RNF115: variants seen among roughly 807,000 people sequenced by gnomAD.
RNF115 encodes E3 ubiquitin-protein ligase RNF115.
Under a neutral mutation model 39.2 loss-of-function variants are expected in RNF115, and 31 were observed. That is an observed-to-expected ratio of 0.79 (90% CI 0.59 to 1.07). The LOEUF (loss-of-function observed/expected upper bound fraction) is 1.07, where lower values mean the gene tolerates loss of function less well. Ranked by LOEUF, RNF115 falls within the 50% of genes least tolerant of loss-of-function variation. RNF115 has a pLI of 0.00. For missense variants in RNF115, 384 were observed against 381.7 expected (o/e 1.01, Z -0.05); for synonymous variants, 124 against 131.0 (o/e 0.95, Z 0.37).
chr1:145,794,453 A>G (rs138392694), intron 1 of RNF115, among the ~76,000 whole-genome samples: 1 of 150,994 alleles, frequency 6.6e-6, no homozygotes, highest in African/African-American at 2.4e-5. Context: ...CTGTAACTAG[A>G]ACACTATTTC....
intron 4 of RNF115, among the ~76,000 whole-genome samples, chr1:145,762,702 A>G: frequency 6.6e-6 from 1 of 152,038 alleles, no homozygotes; most frequent in African/African-American, 2.4e-5. Flanking sequence ...GTTAACCAAA[A>G]AAAGTCAGTT....
Position 145,804,995 on chromosome 1 carries a change from T to C in RNF115, c.103-16029A>G, listed in dbSNP as rs587616371. Among the ~76,000 whole-genome samples, 30 of 152,142 alleles carry C rather than the reference T, an allele frequency of 2.0e-4. 1 individual carries two copies. The highest frequency in any genetic ancestry group is 1.2e-3 in the Admixed American group (19 of 15,290). ...GCAGTTCAATTTTCAAATTAAAAAA[T>C]TGGAAACCTGCAAGGATTGCCAGCT... On this transcript the variant is annotated intron_variant, in intron 1 of 8. Transcript: ENST00000582693.
At chr1:145,772,020 A>G in intron 3 of RNF115, 101 bp from the exon 4 acceptor site, 3 of 920,718 alleles carry the variant, frequency 3.3e-6, no homozygotes, top group South Asian at 1.7e-5. Flanking sequence ...TGTGAATATT[A>G]CTGTATGTCT....
intron 8 of RNF115, among the ~76,000 whole-genome samples, chr1:145,747,310 T>C (rs1657911499): frequency 6.6e-6 from 1 of 152,148 alleles, no homozygotes; most frequent in African/African-American, 2.4e-5. Context: ...TGCCCATTAC[T>C]TCCCAATATG....
chr1:145,799,114 C>T (rs1649111294), intron 1 of RNF115, among the ~76,000 whole-genome samples: 1 of 150,554 alleles, frequency 6.6e-6, no homozygotes, highest in African/African-American at 2.4e-5. Flanking sequence ...TGTCACCAGG[C>T]TGGGGTGCAG....
chr1:145,807,878 T>C (rs1485611951), intron 1 of RNF115, among the ~76,000 whole-genome samples: 2 of 152,156 alleles, frequency 1.3e-5, no homozygotes, highest in Non-Finnish European at 2.9e-5. Flanking sequence ...TCAGATATCA[T>C]TCCATTCTCT....
At chr1:145,767,392 C>T (rs1300828565) in intron 4 of RNF115, among the ~76,000 whole-genome samples, 3 of 149,084 alleles carry the variant, frequency 2.0e-5, no homozygotes, top group African/African-American at 5.0e-5. Flanking sequence ...AGGGCAGAGG[C>T]GCTCCCCACA....
At chr1:145,747,956 G>T in intron 8 of RNF115, 39 bp downstream of exon 8, 1 of 1,324,690 alleles carries the variant, frequency 7.5e-7, no homozygotes, top group Non-Finnish European at 1.1e-6. Flanking sequence ...CCTTTACTCT[G>T]AATCATCCCC....
chr1:145,756,994 C>T (rs1487745541), intron 4 of RNF115, among the ~76,000 whole-genome samples: 2 of 151,946 alleles, frequency 1.3e-5, no homozygotes, highest in African/African-American at 4.8e-5. Context: ...GGCCACCACG[C>T]CTGGCTAATT....
At chr1:145,796,330 T>C (rs1648976300) in intron 1 of RNF115, among the ~76,000 whole-genome samples, 1 of 152,212 alleles carries the variant, frequency 6.6e-6, no homozygotes, top group Non-Finnish European at 1.5e-5. Flanking sequence ...AGATTGTTTA[T>C]AAGTTGATAA....
At chr1:145,803,415 A>G (rs1649334233) in intron 1 of RNF115, among the ~76,000 whole-genome samples, 1 of 152,134 alleles carries the variant, frequency 6.6e-6, no homozygotes, top group South Asian at 2.1e-4. Context: ...TTTGAGACTG[A>G]GTCTCACTCT....
chr1:145,775,324 T>G (rs1322117798), intron 3 of RNF115, among the ~76,000 whole-genome samples: 1 of 151,832 alleles, frequency 6.6e-6, no homozygotes, highest in African/African-American at 2.4e-5. Context: ...AGTAAGAAAT[T>G]AACAACAATA....
chr1:145,755,925 C>A (rs994513720), intron 4 of RNF115, among the ~76,000 whole-genome samples: 14 of 152,270 alleles, frequency 9.2e-5, no homozygotes, highest in African/African-American at 3.4e-4. Context: ...AAAGTGATTT[C>A]ACTTTTGAAA....
rs782763378 is a variant in RNF115 at position 145,747,975 on chromosome 1, C to T, written c.783+20G>A. The T allele has an allele frequency of 1.3e-6, 2 of 1,501,588 alleles. No homozygotes were observed. The highest frequency in any genetic ancestry group is 3.3e-5 in the Admixed American group (2 of 59,854). 93.0% of individuals were successfully genotyped at this position (1,501,588 alleles called of 1,614,324 possible). ...TACTCTGAATCATCCCCCAAAGAAG[C>T]CATGACTTGCTGTACTCACCAGTTC... On this transcript the variant is annotated intron_variant, in intron 8 of 8. Transcript: ENST00000582693.
intron 1 of RNF115, among the ~76,000 whole-genome samples, chr1:145,791,141 C>CA (rs1286470278): frequency 2.7e-4 from 36 of 134,802 alleles, no homozygotes; most frequent in Non-Finnish European, 2.6e-4. Flanking sequence ...GACTCTGTCT[C>CA]AAAAAAAAAA....
At chr1:145,802,461 A>G (rs587653252) in intron 1 of RNF115, among the ~76,000 whole-genome samples, 1 of 152,304 alleles carries the variant, frequency 6.6e-6, no homozygotes, top group South Asian at 2.1e-4. Context: ...AGGAGCTACA[A>G]ATTCAGACCT....
chr1:145,795,347 G>C (rs587734469), intron 1 of RNF115, among the ~76,000 whole-genome samples: 1 of 152,058 alleles, frequency 6.6e-6, no homozygotes, highest in Non-Finnish European at 1.5e-5. Context: ...TCCACAACGC[G>C]GAAGGGACCC....
chr1:145,780,787 T>C (rs1185537353), intron 3 of RNF115, among the ~76,000 whole-genome samples: 1 of 152,128 alleles, frequency 6.6e-6, no homozygotes, highest in Non-Finnish European at 1.5e-5. Context: ...AGAGCTCTTT[T>C]TTCCAGAAAG....
chr1:145,801,578 G>A (rs1649245975), intron 1 of RNF115, among the ~76,000 whole-genome samples: 1 of 152,080 alleles, frequency 6.6e-6, no homozygotes, highest in African/African-American at 2.4e-5. Flanking sequence ...CTTTTAAAGG[G>A]AGGAACACTA....
Sources: allele counts gnomAD v4.1 joint callset (sites outside exome capture counted in the v4.1 genomes callset), GRCh38; gene constraint gnomAD v4.1.1; transcripts MANE v1.5; gene names NCBI Gene and HGNC (gene_info 2026-07-23, HGNC 2026-07-21).